Variants in ARF4 observed in about 807,000 individuals in gnomAD.
ARF4 encodes ADP-ribosylation factor 4.
ARF4 carries 5 observed loss-of-function variants against 24.3 expected under a neutral mutation model. That is an observed-to-expected ratio of 0.21 (90% CI 0.11 to 0.43). The LOEUF (loss-of-function observed/expected upper bound fraction) is 0.43, where lower values mean the gene tolerates loss of function less well. Among genes scored for constraint, ARF4 ranks in the 20% least tolerant of loss-of-function variants. ARF4 has a pLI of 1.00. For synonymous variants in ARF4, 62 were observed against 73.5 expected, an observed-to-expected ratio of 0.84 and a Z score of 0.80; for missense variants, 107 against 213.0, an observed-to-expected ratio of 0.50 and a Z score of 3.10.
chr3:57,572,156 T>TAAC lies in ARF4; in HGVS notation c.*53_*55dup. The TAAC allele has an allele frequency of 1.4e-6, 2 of 1,400,788 alleles. No individual in the cohort carries two copies. Among genetic ancestry groups the TAAC allele is most frequent in the Non-Finnish European group, 2.0e-6 (2 of 987,440 alleles). The allele number at this position is 1,400,788 out of a possible 1,614,324, so 86.8% of individuals were successfully genotyped here. ...ACCAAGATACAAACTAATTTTGTTG[T>TAAC]AACAAGCCTAGACCAATTTTATCAA... On this transcript the variant is annotated 3_prime_UTR_variant, in exon 6 of 6. Coordinates refer to ENST00000303436, the MANE Select transcript of ARF4 (RefSeq NM_001660.4).
rs1196354761 is a variant in ARF4, at chr3:57,572,303, A to G, written c.457-5T>C. 1.1e-5 allele frequency: 17 copies of G among 1,606,180 alleles called. No homozygotes were observed. In the Admixed American group the frequency reaches 2.3e-4, roughly 22 times the overall value. On this transcript the variant is annotated splice_polypyrimidine_tract_variant and splice_region_variant and intron_variant, in intron 5 of 5. Transcript: ENST00000303436. ...ACAAGTGGCTTGAACATACCACTGTAAAGAGAAGACAAGAAAATACTTGAT... is the reference window on the plus strand; with the variant it reads ...ACAAGTGGCTTGAACATACCACTGTGAAGAGAAGACAAGAAAATACTTGAT...
intron 1 of ARF4, among the ~76,000 whole-genome samples, chr3:57,593,817 G>A (rs764946590): frequency 5.8e-4 from 89 of 152,214 alleles, no homozygotes; most frequent in South Asian, 2.1e-3. Context: ...GGGCGGGATC[G>A]CTTCAGCCCA....
chr3:57,580,086 C>A (rs1193830615), intron 3 of ARF4, among the ~76,000 whole-genome samples: 2 of 152,110 alleles, frequency 1.3e-5, no homozygotes, highest in African/African-American at 4.8e-5. Context: ...GCCTGGGTAA[C>A]AGAGTGAGAC....
At chr3:57,596,088 G>A (rs531274558) in intron 1 of ARF4, among the ~76,000 whole-genome samples, 2 of 152,324 alleles carry the variant, frequency 1.3e-5, no homozygotes, top group East Asian at 3.9e-4. Flanking sequence ...CTGTGATGTA[G>A]ACTGCTTACA....
intron 1 of ARF4, among the ~76,000 whole-genome samples, chr3:57,592,028 C>T (rs1025951526): frequency 7.2e-5 from 11 of 152,136 alleles, no homozygotes; most frequent in Non-Finnish European, 1.3e-4. Flanking sequence ...CGGAACTGTA[C>T]ACTTTAACAG....
chr3:57,586,916 T>C (rs915288351), intron 1 of ARF4, among the ~76,000 whole-genome samples: 11 of 152,044 alleles, frequency 7.2e-5, no homozygotes, highest in Non-Finnish European at 8.8e-5. Flanking sequence ...CAAGTCAGAA[T>C]TGAAACTGAG....
intron 1 of ARF4, among the ~76,000 whole-genome samples, chr3:57,587,927 AT>A (rs2070058598): frequency 6.6e-6 from 1 of 152,248 alleles, no homozygotes; most frequent in African/African-American, 2.4e-5. Context: ...TGAAAAAGGT[AT>A]TTATAAGCTT....
chr3:57,583,844 T>C, intron 3 of ARF4, 54 bp downstream of exon 3: 1 of 1,284,496 alleles, frequency 7.8e-7, no homozygotes, highest in Non-Finnish European at 1.1e-6. Context: ...TAATAAAAAC[T>C]TTAGAGCATG....
chr3:57,594,510 GTGT>G (rs2070158033), intron 1 of ARF4, among the ~76,000 whole-genome samples: 1 of 152,196 alleles, frequency 6.6e-6, no homozygotes, highest in Admixed American at 6.5e-5. Context: ...TTGATACACT[GTGT>G]TGGTTTTTTA....
At chr3:57,586,940 AACACACAC>A in intron 1 of ARF4, among the ~76,000 whole-genome samples, 1 of 151,662 alleles carries the variant, frequency 6.6e-6, no homozygotes, top group Non-Finnish European at 1.5e-5. Context: ...CTGATTAAGA[AACACACAC>A]ACACACGCAC....
chr3:57,584,163 A>G lies in ARF4; in HGVS notation c.149-156T>C, dbSNP rs1203757249. 8 of 699,066 alleles carry G rather than the reference A, an allele frequency of 1.1e-5. No individual in the cohort carries two copies. The East Asian group carries it at 1.9e-4, about 17-fold the overall frequency. 43.3% of individuals were successfully genotyped at this position (699,066 alleles called of 1,614,324 possible). On this transcript the variant is annotated intron_variant, in intron 2 of 5. Transcript: ENST00000303436. The stretch of plus-strand genomic sequence containing the variant: ...ACATCAACAGAGACAAGGCCTCATT[A>G]TGTTATGCAGGCTGGTCTTGAACTC...
intron 3 of ARF4, among the ~76,000 whole-genome samples, chr3:57,579,809 A>C (rs1309727246): frequency 6.6e-6 from 1 of 152,158 alleles, no homozygotes; most frequent in African/African-American, 2.4e-5. Flanking sequence ...TAAATATCCT[A>C]TCCTTTGAGA....
intron 1 of ARF4, among the ~76,000 whole-genome samples, chr3:57,587,289 A>G (rs1465726355): frequency 6.7e-6 from 1 of 149,032 alleles, no homozygotes; most frequent in Non-Finnish European, 1.5e-5. Flanking sequence ...ATTGCACTAC[A>G]GCCTGGACAA....
chr3:57,591,995 T>C (rs1017905004), intron 1 of ARF4, among the ~76,000 whole-genome samples: 19 of 152,190 alleles, frequency 1.2e-4, no homozygotes, highest in Admixed American at 9.8e-4. Flanking sequence ...TTACACAACT[T>C]TGAATACATA....
intron 1 of ARF4, among the ~76,000 whole-genome samples, chr3:57,592,020 G>A (rs536411336): frequency 6.6e-6 from 1 of 152,120 alleles, no homozygotes; most frequent in Non-Finnish European, 1.5e-5. Flanking sequence ...AAAACCCACG[G>A]AACTGTACAC....
intron 3 of ARF4, among the ~76,000 whole-genome samples, chr3:57,579,538 T>C (rs566439350): frequency 7.2e-5 from 11 of 152,004 alleles, no homozygotes; most frequent in Non-Finnish European, 1.3e-4. Flanking sequence ...TCTGCCTGCT[T>C]TGGCCTCCCA....
chr3:57,593,947 A>T (rs928280019), intron 1 of ARF4, among the ~76,000 whole-genome samples: 4 of 152,190 alleles, frequency 2.6e-5, no homozygotes, highest in South Asian at 2.1e-4. Context: ...ATAATTATTT[A>T]AAAAATATAT....
Position 57,572,170 on chromosome 3 carries a change from C to A in ARF4, c.*42G>T, listed in dbSNP as rs760068143. The stretch of plus-strand genomic sequence containing the variant: ...TAATTTTGTTGTAACAAGCCTAGAC[C>A]AATTTTATCAAACATGTCCTTGGTT... On this transcript the variant is annotated 3_prime_UTR_variant, in exon 6 of 6. Transcript: ENST00000303436. 6.6e-7 allele frequency: 1 copy of A among 1,522,666 alleles called. No homozygotes were observed. The highest frequency in any genetic ancestry group is 1.4e-5 in the African/African-American group (1 of 73,144). The allele number at this position is 1,522,666 out of a possible 1,614,324, so 94.3% of individuals were successfully genotyped here.
intron 1 of ARF4, among the ~76,000 whole-genome samples, chr3:57,584,780 A>T (rs2070016278): frequency 6.6e-6 from 1 of 151,654 alleles, no homozygotes; most frequent in South Asian, 2.1e-4. Flanking sequence ...CAGAGAAATT[A>T]GCCATAAATA....
Sources: allele counts gnomAD v4.1 joint callset (sites outside exome capture counted in the v4.1 genomes callset), GRCh38; gene constraint gnomAD v4.1.1; transcripts MANE v1.5; gene names NCBI Gene and HGNC (gene_info 2026-07-23, HGNC 2026-07-21).